The following CENPT variants were observed in gnomAD, a reference collection of about 807,000 sequenced individuals.
CENPT encodes the protein centromere protein T.
Under a neutral mutation model 59.7 loss-of-function variants are expected in CENPT, and 42 were observed. The ratio of observed to expected loss-of-function variants is 0.70; its 90% CI spans 0.55 to 0.91. The LOEUF (loss-of-function observed/expected upper bound fraction) is 0.91. Ranked by LOEUF, CENPT falls within the 40% of genes least tolerant of loss-of-function variation. CENPT has a pLI of 0.00. For synonymous variants in CENPT, 295 were observed against 289.6 expected (o/e 1.02, Z -0.19); for missense variants, 716 against 713.4 (o/e 1.00, Z -0.04).
rs1355902412 is a variant in CENPT, at chr16:67,830,434, G to A, written c.818C>T (p.Ala273Val). 6.2e-7 allele frequency: 1 copy of A among 1,614,012 alleles called. No homozygotes were observed. Residue 273 changes from alanine (A) to valine (V), a missense_variant, in exon 11 of 16, where the codon GCC becomes GTC. Coordinates refer to ENST00000562787, the MANE Select transcript of CENPT (RefSeq NM_025082.4). ...CCCACTGCTCTGTGTCTTGCGACCG[G>A]CAGCCTGCTCAGCGTCTTCAGCCCC... is the stretch of plus-strand genomic sequence containing the variant. Reference protein sequence around the residue: ...HTGAEDAEQAAGRKTQSSGPG... With the variant: ...HTGAEDAEQAVGRKTQSSGPG...
intron 1 of CENPT, chr16:67,846,862 G>C (rs574531176): frequency 6.6e-4 from 101 of 152,418 alleles, no homozygotes; most frequent in African/African-American, 2.1e-3. Flanking sequence ...GAAAGGGGGG[G>C]CGGTGGGACT....
intron 1 of CENPT, among the ~76,000 whole-genome samples, chr16:67,844,528 C>T (rs2057784783): frequency 6.6e-6 from 1 of 152,214 alleles, no homozygotes; most frequent in South Asian, 2.1e-4. Flanking sequence ...TTTCAATTCT[C>T]AGCTGGGATT....
At chr16:67,846,857 G>A (rs1031834812) in intron 1 of CENPT, 6 of 152,276 alleles carry the variant, frequency 3.9e-5, no homozygotes, top group South Asian at 2.1e-4. Flanking sequence ...TGCCGGAAAG[G>A]GGGGGCGGTG....
Position 67,842,152 on chromosome 16 carries a change from GC to G in CENPT, c.-492+5248del, listed in dbSNP as rs1567373757. 6.6e-6 allele frequency: 1 copy of G among 152,464 alleles called. No individual in the cohort carries two copies. The highest frequency in any genetic ancestry group is 1.9e-4 in the East Asian group (1 of 5,204). 9.4% of individuals were successfully genotyped at this position (152,464 alleles called of 1,614,324 possible). On this transcript the variant is annotated intron_variant, in intron 1 of 15. Coordinates refer to ENST00000562787, the MANE Select transcript of CENPT (RefSeq NM_025082.4). This position sits in a 1 kb window ranked among gnomAD's most constrained non-coding sequence, Gnocchi z 4.9. ...CCAACCTAATACGCCTCTCTCGCCC[GC>G]CGGGGACAAGACGGGCTGGGGAAAG... is the stretch of plus-strand genomic sequence containing the variant.
At chr16:67,845,846 T>C (rs903047801) in intron 1 of CENPT, among the ~76,000 whole-genome samples, 1 of 152,124 alleles carries the variant, frequency 6.6e-6, no homozygotes, top group African/African-American at 2.4e-5. Flanking sequence ...ACCTGAGATT[T>C]AAAAAACAGA....
chr16:67,842,009 T>A lies in CENPT; in HGVS notation c.-492+5392A>T, dbSNP rs1441076666. ...GTTCAGCGCGAGGCATCACGGGATTTGTAGTCTCCGTGGGCATATACCCAC... is the reference window on the plus strand; with the variant it reads ...GTTCAGCGCGAGGCATCACGGGATTAGTAGTCTCCGTGGGCATATACCCAC... On this transcript the variant is annotated intron_variant, in intron 1 of 15. Transcript: ENST00000562787. The surrounding 1 kb of genome is among the most constrained non-coding windows in gnomAD (Gnocchi z 4.9). 1 of 152,260 alleles carries A rather than the reference T, an allele frequency of 6.6e-6. No individual in the cohort carries two copies. The highest frequency in any genetic ancestry group is 2.4e-5 in the African/African-American group (1 of 41,444). The allele number at this position is 152,260 out of a possible 1,614,324, so 9.4% of individuals were successfully genotyped here.
chr16:67,832,280 C>A lies in CENPT; in HGVS notation c.237G>T (p.Gly79=). The part of the protein sequence containing the change: ...VGRSAHIQAS[G]HLEEQTPRTL... ...TCCGAGGTGTCTGTTCCTCCAAGTG[C>A]CCACTGGCCTGAATATGGGCCGATC... Residue 79 remains glycine (G), a synonymous_variant, in exon 6 of 16, where the codon GGG becomes GGT. Transcript: ENST00000562787. 3.1e-6 allele frequency: 5 copies of A among 1,614,198 alleles called. No homozygotes were observed. The highest frequency in any genetic ancestry group is 4.2e-6 in the Non-Finnish European group (5 of 1,180,026).
At chr16:67,829,736 C>T (rs760978043) in intron 12 of CENPT, 29 bp downstream of exon 12, 2 of 1,603,982 alleles carry the variant, frequency 1.2e-6, no homozygotes, top group South Asian at 1.1e-5. Flanking sequence ...ACAGCTGTCA[C>T]CAGTCACTCC....
chr16:67,830,467 G>A lies in CENPT; in HGVS notation c.785C>T (p.Pro262Leu), dbSNP rs2057675499. 9 of 1,614,152 alleles carry A rather than the reference G, an allele frequency of 5.6e-6. No individual in the cohort carries two copies. The highest frequency in any genetic ancestry group is 7.6e-6 in the Non-Finnish European group (9 of 1,180,012). ...PNVYHSLPCT[P>L]HTGAEDAEQA... Reference sequence around the variant, plus strand: ...CTCAGCGTCTTCAGCCCCAGTGTGAGGCGTGCAGGGCAGGGAGTGATACAC... The same window carrying A: ...CTCAGCGTCTTCAGCCCCAGTGTGAAGCGTGCAGGGCAGGGAGTGATACAC... The change falls in exon 11 of 16, where the codon CCT becomes CTT. Residue 262 changes from proline (P) to leucine (L), a missense_variant. Transcript: ENST00000562787.
Position 67,843,029 on chromosome 16 carries a change from AC to A in CENPT, c.-492+4371del. ...ATCTGCTTCCGCGGCCGTGCTTCTC[AC>A]CCTTCAGGCCACTGTAGACAGCAGT... is the stretch of plus-strand genomic sequence containing the variant. On this transcript the variant is annotated intron_variant, in intron 1 of 15. Transcript: ENST00000562787. This position sits in a 1 kb window ranked among gnomAD's most constrained non-coding sequence, Gnocchi z 5.7. 6.2e-7 allele frequency: 1 copy of A among 1,612,262 alleles called. No individual in the cohort carries two copies.
chr16:67,840,191 G>A lies in CENPT; in HGVS notation c.-491-4533C>T, dbSNP rs2057752779. ...AAATTAGCCGGGCACGGTGGCGGGCGCTTGTAGTCCCAGCTACTTGGGAGG... is the reference window on the plus strand; with the variant it reads ...AAATTAGCCGGGCACGGTGGCGGGCACTTGTAGTCCCAGCTACTTGGGAGG... On this transcript the variant is annotated intron_variant, in intron 1 of 15. Transcript: ENST00000562787. Among the ~76,000 whole-genome samples, 8 of 152,058 alleles carry A rather than the reference G, an allele frequency of 5.3e-5. No homozygotes were observed. The South Asian group carries it at 1.7e-3, about 32-fold the overall frequency.
At chr16:67,831,175 G>A in intron 10 of CENPT, 41 bp downstream of exon 10, 1 of 1,613,098 alleles carries the variant, frequency 6.2e-7, no homozygotes, top group Non-Finnish European at 8.5e-7. Flanking sequence ...ATAGCGGGGA[G>A]AGCTTTCCCC....
chr16:67,842,532 G>A lies in CENPT; in HGVS notation c.-492+4869C>T, dbSNP rs1348401864. On this transcript the variant is annotated intron_variant, in intron 1 of 15. Coordinates refer to ENST00000562787, the MANE Select transcript of CENPT (RefSeq NM_025082.4). This position sits in a 1 kb window ranked among gnomAD's most constrained non-coding sequence, Gnocchi z 4.9. ...GAAGAGCGCAGGAGGCCGGTGGGCC[G>A]GGCCGGGCCGCGCGGCGCAGCCATG... 6.7e-7 allele frequency: 1 copy of A among 1,487,384 alleles called. No individual in the cohort carries two copies. The highest frequency in any genetic ancestry group is 9.0e-7 in the Non-Finnish European group (1 of 1,116,370). 92.1% of individuals were successfully genotyped at this position (1,487,384 alleles called of 1,614,324 possible).
At chr16:67,838,891 C>T (rs1472750723) in intron 1 of CENPT, among the ~76,000 whole-genome samples, 1 of 150,248 alleles carries the variant, frequency 6.7e-6, no homozygotes, top group African/African-American at 2.5e-5. Context: ...TGTGCCACTG[C>T]ACTCCAGCCC....
chr16:67,830,125 G>T (rs2057671451), intron 11 of CENPT, 37 bp from the exon 12 acceptor site: 2 of 1,587,570 alleles, frequency 1.3e-6, no homozygotes, highest in Non-Finnish European at 8.6e-7. Flanking sequence ...CGGAGACGCA[G>T]CAGGCCAAGG....
chr16:67,843,641 G>A lies in CENPT; in HGVS notation c.-492+3760C>T. On this transcript the variant is annotated intron_variant, in intron 1 of 15. Transcript: ENST00000562787. This position sits in a 1 kb window ranked among gnomAD's most constrained non-coding sequence, Gnocchi z 5.7. ...AGCTGGACTCTCTTGCTGGTGACCT[G>A]GCATCCTCAATTGTTTCCTCCTGAA... 2.4e-6 allele frequency: 2 copies of A among 824,006 alleles called. No individual in the cohort carries two copies. Among genetic ancestry groups the A allele is most frequent in the Non-Finnish European group, 3.7e-6 (2 of 533,978 alleles). The allele number at this position is 824,006 out of a possible 1,614,324, so 51.0% of individuals were successfully genotyped here. A position where few individuals can be genotyped will look rare whatever the true frequency, so the allele number is the denominator to read the frequency against.
At position 67,842,982 on chromosome 16, in the gene CENPT, C is replaced by T. The variant is rs1377566707; in HGVS notation, c.-492+4419G>A. The T allele has an allele frequency of 6.2e-7, 1 of 1,612,200 alleles. No homozygotes were observed. The highest frequency in any genetic ancestry group is 1.3e-5 in the African/African-American group (1 of 74,928). ...CCCTCTGCCTCCACTGCCCAGACTG[C>T]CCAGCTGCAGCCGAACCTGGTATCT... On this transcript the variant is annotated intron_variant, in intron 1 of 15. Coordinates refer to ENST00000562787, the MANE Select transcript of CENPT (RefSeq NM_025082.4). The surrounding 1 kb of genome is among the most constrained non-coding windows in gnomAD (Gnocchi z 4.9).
chr16:67,828,349 A>G lies in CENPT; in HGVS notation c.1604T>C (p.Val535Ala). 1 of 1,610,116 alleles carries G rather than the reference A, an allele frequency of 6.2e-7. No individual in the cohort carries two copies. Among genetic ancestry groups the G allele is most frequent in the East Asian group, 2.2e-5 (1 of 44,712 alleles). Residue 535 changes from valine (V) to alanine (A), a missense_variant, in exon 16 of 16, where the codon GTG becomes GCG. Physicochemically the swap from Val to Ala is moderately conservative, Grantham distance 64. Transcript: ENST00000562787. ...GTACTCCAGGGGCAGGTGCCGCTCC[A>G]CTAGCACGTGCAGTGAGACTTGGTC... ...VTDQVSLHVL[V>A]ERHLPLEYRQ...
rs764315412 is a variant in CENPT at position 67,842,896 on chromosome 16, G to GCAGCAA, written c.-492+4499_-492+4504dup. On this transcript the variant is annotated intron_variant, in intron 1 of 15. Coordinates refer to ENST00000562787, the MANE Select transcript of CENPT (RefSeq NM_025082.4). The surrounding 1 kb of genome is among the most constrained non-coding windows in gnomAD (Gnocchi z 4.9). ...AGCAACAGCAGCAGCAGCAGCAACA[G>GCAGCAA]CAGCAACAGCAGCAGCAGCAGCAAC... 4 of 1,587,788 alleles carry GCAGCAA rather than the reference G, an allele frequency of 2.5e-6. No homozygotes were observed. The South Asian group carries it at 4.6e-5, about 18-fold the overall frequency.
Sources: allele counts gnomAD v4.1 joint callset (sites outside exome capture counted in the v4.1 genomes callset), GRCh38; gene constraint gnomAD v4.1.1; non-coding constraint Gnocchi (gnomAD v3.1); transcripts MANE v1.5; gene names NCBI Gene and HGNC (gene_info 2026-07-23, HGNC 2026-07-21).